Variants in CYBC1 observed in about 807,000 individuals in gnomAD.
CYBC1 encodes the protein cytochrome b-245 chaperone 1, also known as essential for reactive oxygen species protein.
CYBC1 carries 22 observed loss-of-function variants against 21.7 expected under a neutral mutation model. The ratio of observed to expected loss-of-function variants is 1.02; its 90% CI spans 0.73 to 1.45. CYBC1 has a LOEUF of 1.45. Among genes scored for constraint, CYBC1 ranks in the 40% most tolerant of loss-of-function variants. The probability of loss-of-function intolerance (pLI) is 0.00; values close to 1 mark genes in which losing one functional copy is unlikely to be tolerated. For synonymous variants in CYBC1, 112 were observed against 98.7 expected (o/e 1.13, Z -0.80); for missense variants, 237 against 242.1 (o/e 0.98, Z 0.14).
chr17:82,442,677 C>T lies in CYBC1; in HGVS notation c.*1327G>A. 1 of 1,328,716 alleles carries T rather than the reference C, an allele frequency of 7.5e-7. No homozygotes were observed. 82.3% of individuals were successfully genotyped at this position (1,328,716 alleles called of 1,614,324 possible). A position where few individuals can be genotyped will look rare whatever the true frequency, so the allele number is the denominator to read the frequency against. ...AAGGGTTATTTATGGTTATGATGAC[C>T]CTGTCCTGCAACGAGGGACTGGCAG... On this transcript the variant is annotated 3_prime_UTR_variant, in exon 7 of 7. Transcript: ENST00000306645. This position sits in a 1 kb window ranked among gnomAD's most constrained non-coding sequence, Gnocchi z 6.8.
rs1359453628 is a variant in CYBC1, at chr17:82,450,579, C to A, written c.-39+121G>T. 3 of 152,066 alleles carry A rather than the reference C, an allele frequency of 2.0e-5. No homozygotes were observed. The East Asian group carries it at 5.8e-4, about 29-fold the overall frequency. 9.4% of individuals were successfully genotyped at this position (152,066 alleles called of 1,614,324 possible). ...GCCGCCCGCGACGGGCACGGCGGGA[C>A]ACGGAACAGCCGGCAGGCGGGCCCA... is the stretch of plus-strand genomic sequence containing the variant. On this transcript the variant is annotated intron_variant, in intron 1 of 6. Transcript: ENST00000306645.
Position 82,444,479 on chromosome 17 carries a change from G to T in CYBC1, c.411C>A (p.Pro137=). Residue 137 remains proline (P), a synonymous_variant, in exon 6 of 7, where the codon CCC becomes CCA. Coordinates refer to ENST00000306645, the MANE Select transcript of CYBC1 (RefSeq NM_001033046.4). The stretch of plus-strand genomic sequence containing the variant: ...GGCCCATGACTGCACTCTGCGTGAG[G>T]GGGTGGGAGAAGCCCGTCGCAAGCC... ...VLRLATGFSH[P]LTQSAVMGHR... is the part of the protein sequence containing the mutation. The T allele has an allele frequency of 6.2e-7, 1 of 1,613,606 alleles. No individual in the cohort carries two copies. Among genetic ancestry groups the T allele is most frequent in the Non-Finnish European group, 8.5e-7 (1 of 1,179,696 alleles).
At chr17:82,444,920 T>C (rs1360150642) in intron 5 of CYBC1, 6 of 238,788 alleles carry the variant, frequency 2.5e-5, no homozygotes, top group Admixed American at 1.6e-4. Context: ...TCCCCAAGGT[T>C]GGCTGCTGAG....
rs1279741116 is a variant in CYBC1 at position 82,443,603 on chromosome 17, G to C, written c.*401C>G. The stretch of plus-strand genomic sequence containing the variant: ...GGTCTTGCTGTGGCCCAAAGCAGGA[G>C]TCCAGGGCTGGCGAGACCTCCGGCT... On this transcript the variant is annotated 3_prime_UTR_variant, in exon 7 of 7. Coordinates refer to ENST00000306645, the MANE Select transcript of CYBC1 (RefSeq NM_001033046.4). This position sits in a 1 kb window ranked among gnomAD's most constrained non-coding sequence, Gnocchi z 6.7. 1 of 709,498 alleles carries C rather than the reference G, an allele frequency of 1.4e-6. No individual in the cohort carries two copies. The highest frequency in any genetic ancestry group is 2.0e-5 in the Admixed American group (1 of 50,270). The allele number at this position is 709,498 out of a possible 1,614,324, so 44.0% of individuals were successfully genotyped here. A position where few individuals can be genotyped will look rare whatever the true frequency, so the allele number is the denominator to read the frequency against.
chr17:82,446,052 C>A, intron 4 of CYBC1, 92 bp from the exon 5 acceptor site: 3 of 995,846 alleles, frequency 3.0e-6, no homozygotes, highest in South Asian at 1.4e-5. Flanking sequence ...CCAGGGTGGA[C>A]ACTCAAGAAG....
intron 5 of CYBC1, 137 bp downstream of exon 5, chr17:82,445,727 C>T (rs751870785): frequency 9.5e-6 from 6 of 630,204 alleles, no homozygotes; most frequent in Admixed American, 2.9e-5. Flanking sequence ...GGGCAGGACA[C>T]AACCCTGGTC....
At chr17:82,446,827 G>C in intron 3 of CYBC1, 131 bp from the exon 4 acceptor site, 1 of 872,442 alleles carries the variant, frequency 1.1e-6, no homozygotes, top group Non-Finnish European at 1.8e-6. Flanking sequence ...AGCTTCCTGT[G>C]CTGCTGACCC....
At position 82,442,849 on chromosome 17, in the gene CYBC1, C is replaced by T. The variant is rs1396056201; in HGVS notation, c.*1155G>A. On this transcript the variant is annotated 3_prime_UTR_variant, in exon 7 of 7. Coordinates refer to ENST00000306645, the MANE Select transcript of CYBC1 (RefSeq NM_001033046.4). This position sits in a 1 kb window ranked among gnomAD's most constrained non-coding sequence, Gnocchi z 6.8. ...TCACAGGGCCCAGGAGTCCCCAGCT[C>T]ACAGGCCAGGGCATCAGGCCAGGCG... is the stretch of plus-strand genomic sequence containing the variant. 2.2e-6 allele frequency: 1 copy of T among 446,078 alleles called. No homozygotes were observed. The highest frequency in any genetic ancestry group is 3.5e-5 in the East Asian group (1 of 28,310). 27.6% of individuals were successfully genotyped at this position (446,078 alleles called of 1,614,324 possible).
At position 82,444,028 on chromosome 17, in the gene CYBC1, G is replaced by A. The variant is rs368098528; in HGVS notation, c.540C>T (p.Ala180=). The A allele has an allele frequency of 1.5e-5, 25 of 1,613,210 alleles. No homozygotes were observed. The highest frequency in any genetic ancestry group is 1.1e-4 in the East Asian group (5 of 44,882). Residue 180 remains alanine, a synonymous_variant, in exon 7 of 7, where the codon GCC becomes GCT. Coordinates refer to ENST00000306645, the MANE Select transcript of CYBC1 (RefSeq NM_001033046.4). ...GTCAGCTCTGGCTTGCAGGGTCACC[G>A]GCCTCACTGTCGCTGCTCTGAGACA... ...TELSQSSDSE[A]GDPASQS is the part of the protein sequence containing the mutation.
Position 82,443,350 on chromosome 17 carries a change from G to A in CYBC1, c.*654C>T, listed in dbSNP as rs1339161551. 8 of 445,616 alleles carry A rather than the reference G, an allele frequency of 1.8e-5. No individual in the cohort carries two copies. Among genetic ancestry groups the A allele is most frequent in the East Asian group, 4.7e-5 (1 of 21,448 alleles). The allele number at this position is 445,616 out of a possible 1,614,324, so 27.6% of individuals were successfully genotyped here. On this transcript the variant is annotated 3_prime_UTR_variant, in exon 7 of 7. Coordinates refer to ENST00000306645, the MANE Select transcript of CYBC1 (RefSeq NM_001033046.4). This position sits in a 1 kb window ranked among gnomAD's most constrained non-coding sequence, Gnocchi z 6.7. Reference sequence around the variant, plus strand: ...GCTGGGGCAGAGTGGTCTATGCGCCGAGATCCTGGCATCAGCAAGGGAGGC... The same window carrying A: ...GCTGGGGCAGAGTGGTCTATGCGCCAAGATCCTGGCATCAGCAAGGGAGGC...
In CYBC1 at chr17:82,449,542, C is replaced by T. The variant is rs73999905; in HGVS notation, c.-38-250G>A. ...CCGACTGCGCGGGGGCTGTTTCCCGCTCAGACTCACGAGCTACAGCTGCAT... is the reference window on the plus strand; with the variant it reads ...CCGACTGCGCGGGGGCTGTTTCCCGTTCAGACTCACGAGCTACAGCTGCAT... On this transcript the variant is annotated intron_variant, in intron 1 of 6. Coordinates refer to ENST00000306645, the MANE Select transcript of CYBC1 (RefSeq NM_001033046.4). 1,653 of 374,548 alleles carry T rather than the reference C, an allele frequency of 4.4e-3. 30 individuals carry two copies. The highest frequency in any genetic ancestry group is 0.031 in the African/African-American group (1,487 of 48,060). 23.2% of individuals were successfully genotyped at this position (374,548 alleles called of 1,614,324 possible). A position where few individuals can be genotyped will look rare whatever the true frequency, so the allele number is the denominator to read the frequency against.
intron 4 of CYBC1, among the ~76,000 whole-genome samples, chr17:82,446,218 G>C (rs1045541961): frequency 6.6e-6 from 1 of 152,222 alleles, no homozygotes; most frequent in African/African-American, 2.4e-5. Context: ...GGCAAAACAA[G>C]TGCAGGGAGG....
At chr17:82,447,551 ATGGGGGGG>A in intron 3 of CYBC1, 21 bp downstream of exon 3, 1 of 778,570 alleles carries the variant, frequency 1.3e-6, no homozygotes, top group Non-Finnish European at 1.9e-6. Flanking sequence ...TGAGACAGTC[ATGGGGGGG>A]TGGGGCGGGG....
chr17:82,448,961 G>T (rs990730543), intron 2 of CYBC1: 2 of 561,548 alleles, frequency 3.6e-6, no homozygotes, highest in Admixed American at 6.9e-5. Flanking sequence ...AATACGCTGG[G>T]TGTTAGTGAT....
intron 2 of CYBC1, chr17:82,447,908 A>G (rs1330472926): frequency 1.8e-6 from 1 of 570,562 alleles, no homozygotes; most frequent in Non-Finnish European, 3.1e-6. Flanking sequence ...CAGCCTGGGC[A>G]ACATAACGAG....
At position 82,443,123 on chromosome 17, in the gene CYBC1, C is replaced by G. The variant is rs977466617; in HGVS notation, c.*881G>C. On this transcript the variant is annotated 3_prime_UTR_variant, in exon 7 of 7. Coordinates refer to ENST00000306645, the MANE Select transcript of CYBC1 (RefSeq NM_001033046.4). The surrounding 1 kb of genome is among the most constrained non-coding windows in gnomAD (Gnocchi z 6.7). The stretch of plus-strand genomic sequence containing the variant: ...ACAGGATCTTGCTGTGTTGCCCAGG[C>G]TGGTCTTGAACTCCTGGCCTCAAGC... The G allele has an allele frequency of 3.6e-5, 8 of 223,318 alleles. No individual in the cohort carries two copies. The highest frequency in any genetic ancestry group is 1.6e-4 in the African/African-American group (7 of 43,930). 13.8% of individuals were successfully genotyped at this position (223,318 alleles called of 1,614,324 possible).
intron 3 of CYBC1, 21 bp from the exon 4 acceptor site, chr17:82,446,717 C>A (rs1435089396): frequency 6.2e-7 from 1 of 1,613,068 alleles, no homozygotes; most frequent in Non-Finnish European, 8.5e-7. Flanking sequence ...GCATAGGGCG[C>A]CAGCCTGTGA....
In CYBC1 at chr17:82,447,594, G is replaced by C. The variant is rs777273454; in HGVS notation, c.113C>G (p.Ala38Gly). The part of the protein sequence containing the change: ...VGILSIGLAA[A>G]YYSGDSLGWK... ...GGGTGCTTTACCTCCGCTGTAGTAG[G>C]CAGCAGCCAGGCCAATCGACAAGAT... Residue 38 changes from alanine (A) to glycine (G), a missense_variant, in exon 3 of 7, where the codon GCC becomes GGC. Coordinates refer to ENST00000306645, the MANE Select transcript of CYBC1 (RefSeq NM_001033046.4). 2.5e-6 allele frequency: 4 copies of C among 1,601,012 alleles called. No individual in the cohort carries two copies. The African/African-American group carries it at 4.0e-5, about 16-fold the overall frequency.
intron 1 of CYBC1, 70 bp from the exon 2 acceptor site, chr17:82,449,362 G>T: frequency 1.3e-6 from 1 of 773,942 alleles, no homozygotes; most frequent in Non-Finnish European, 1.9e-6. Flanking sequence ...ATCAGGCCCA[G>T]TCTGGAGGCC....
Sources: gnomAD v4.1 joint callset for allele counts (sites outside exome capture counted in the v4.1 genomes callset) on GRCh38, gnomAD v4.1.1 for gene constraint, Gnocchi (gnomAD v3.1) non-coding constraint, MANE v1.5 for transcripts, NCBI Gene and HGNC (gene_info 2026-07-23, HGNC 2026-07-21) for gene names.